Variants in ADAMTS16 observed in about 807,000 individuals in gnomAD.
ADAMTS16 encodes ADAM metallopeptidase with thrombospondin type 1 motif 16.
ADAMTS16 carries 94 observed loss-of-function variants against 145.8 expected under a neutral mutation model. The observed-to-expected ratio is 0.64, with a 90% CI of 0.55 to 0.77. The LOEUF is 0.77. Among genes scored for constraint, ADAMTS16 ranks in the 30% least tolerant of loss-of-function variants. The pLI is 0.00. For synonymous variants in ADAMTS16, 659 were observed against 604.3 expected (o/e 1.09, Z -1.33); for missense variants, 1,585 against 1,591.5 (o/e 1.00, Z 0.07).
intron 3 of ADAMTS16, among the ~76,000 whole-genome samples, chr5:5,168,617 A>T (rs1455214887): frequency 6.8e-5 from 7 of 103,348 alleles, no homozygotes; most frequent in Admixed American, 2.2e-4. Context: ...ATATTTTTAT[A>T]TATTATATTA....
Position 5,246,920 on chromosome 5 carries a change from C to T in ADAMTS16, c.2662+4729C>T, listed in dbSNP as rs543736437. Reference sequence around the variant, plus strand: ...TGTGACAATGCAAGATGATAGACTGCGTTGTGTTCCAAGAACTGTGAGAAT... The same window carrying T: ...TGTGACAATGCAAGATGATAGACTGTGTTGTGTTCCAAGAACTGTGAGAAT... On this transcript the variant is annotated intron_variant, in intron 17 of 22. Transcript: ENST00000274181. 1.2e-4 allele frequency among the ~76,000 whole-genome samples: 19 copies of T among 152,278 alleles called. No homozygotes were observed. The South Asian group carries it at 2.9e-3, about 23-fold the overall frequency.
chr5:5,271,402 G>A (rs1261202982), intron 18 of ADAMTS16, among the ~76,000 whole-genome samples: 1 of 152,190 alleles, frequency 6.6e-6, no homozygotes, highest in African/African-American at 2.4e-5. Context: ...CGCTCCTTCC[G>A]CTCCTCCCGC....
At chr5:5,208,774 TAA>T (rs1437557147) in intron 9 of ADAMTS16, among the ~76,000 whole-genome samples, 1 of 152,138 alleles carries the variant, frequency 6.6e-6, no homozygotes, top group Non-Finnish European at 1.5e-5. Flanking sequence ...ATGTCCATCA[TAA>T]GAGCTTCTCA....
chr5:5,195,618 G>A (rs1735780229), intron 8 of ADAMTS16, among the ~76,000 whole-genome samples: 1 of 152,162 alleles, frequency 6.6e-6, no homozygotes, highest in South Asian at 2.1e-4. Context: ...TATAAAATAG[G>A]CTTAAATAGC....
chr5:5,306,658 G>A lies in ADAMTS16; in HGVS notation c.3341G>A (p.Cys1114Tyr), dbSNP rs1554000618. Residue 1114 changes from cysteine to tyrosine, a missense_variant, in exon 21 of 23, where the codon TGC becomes TAC. Cys to Tyr is a radical substitution (Grantham distance 194). Coordinates refer to ENST00000274181, the MANE Select transcript of ADAMTS16 (RefSeq NM_139056.4). ...GAACGTGCCTGCGCCCCGCTTCCAT[G>A]CCCCAGGCACCCCCCATTTGCTGCT... ...ELERACAPLP[C>Y]PRHPPFAAAG... 3.1e-6 allele frequency: 5 copies of A among 1,614,038 alleles called. No individual in the cohort carries two copies. The highest frequency in any genetic ancestry group is 2.2e-5 in the South Asian group (2 of 91,084).
Position 5,239,171 on chromosome 5 carries a change from C to T in ADAMTS16, c.2175C>T (p.Val725=). The T allele has an allele frequency of 6.3e-7, 1 of 1,579,336 alleles. No individual in the cohort carries two copies. Among genetic ancestry groups the T allele is most frequent in the Non-Finnish European group, 8.6e-7 (1 of 1,165,050 alleles). Reference sequence around the variant, plus strand: ...TCCAGAGAGTTGGATGTGACAATGTCCTTGGATCTGATGCTGTTGAAGACG... The same window carrying T: ...TCCAGAGAGTTGGATGTGACAATGTTCTTGGATCTGATGCTGTTGAAGACG... ...GICERVGCDN[V]LGSDAVEDVC... Residue 725 remains valine, a synonymous_variant, in exon 15 of 23, where the codon GTC becomes GTT. Coordinates refer to ENST00000274181, the MANE Select transcript of ADAMTS16 (RefSeq NM_139056.4).
At chr5:5,218,807 G>GC (rs1736509346) in intron 10 of ADAMTS16, among the ~76,000 whole-genome samples, 1 of 152,256 alleles carries the variant, frequency 6.6e-6, no homozygotes, top group East Asian at 1.9e-4. Flanking sequence ...TTCTCTGGCT[G>GC]CCCCCAGCTG....
At chr5:5,315,589 C>A (rs935475536) in intron 21 of ADAMTS16, among the ~76,000 whole-genome samples, 1 of 152,056 alleles carries the variant, frequency 6.6e-6, no homozygotes, top group Non-Finnish European at 1.5e-5. Context: ...CTGATGGATG[C>A]GGATGTGGCC....
Position 5,263,772 on chromosome 5 carries a change from C to G in ADAMTS16, c.2789+989C>G, listed in dbSNP as rs571802381. Among the ~76,000 whole-genome samples, 27 of 152,286 alleles carry G rather than the reference C, an allele frequency of 1.8e-4. No individual in the cohort carries two copies. The Middle Eastern group carries it at 0.017, about 96-fold the overall frequency. ...ACAGCCCAATGGACGGAGGTGTGTT[C>G]GCAGCTCAGTCAGCCCCTGACCCTG... On this transcript the variant is annotated intron_variant, in intron 18 of 22. Coordinates refer to ENST00000274181, the MANE Select transcript of ADAMTS16 (RefSeq NM_139056.4).
Position 5,144,813 on chromosome 5 carries a change from C to T in ADAMTS16, c.176-1317C>T, listed in dbSNP as rs142333593. On this transcript the variant is annotated intron_variant, in intron 2 of 22. Transcript: ENST00000274181. ...TTCTGGATTCTCCTTCCCTGCTATC[C>T]TCTTAGGGTGCTCGTGAACATTCCT... 2.1e-3 allele frequency among the ~76,000 whole-genome samples: 327 copies of T among 152,308 alleles called. 1 individual carries two copies. The highest frequency in any genetic ancestry group is 7.5e-3 in the African/African-American group (310 of 41,568).
At chr5:5,203,848 A>G (rs72647753) in intron 9 of ADAMTS16, among the ~76,000 whole-genome samples, 63 of 152,322 alleles carry the variant, frequency 4.1e-4, no homozygotes, top group Middle Eastern at 3.4e-3. Context: ...AAAGGTGACC[A>G]TCATCGCAGG....
chr5:5,218,255 A>T (rs1015274572), intron 10 of ADAMTS16, among the ~76,000 whole-genome samples: 1 of 152,216 alleles, frequency 6.6e-6, no homozygotes, highest in Non-Finnish European at 1.5e-5. Context: ...GTTTATGGAT[A>T]CAGAATGGTT....
intron 3 of ADAMTS16, among the ~76,000 whole-genome samples, chr5:5,173,170 T>A (rs2126545348): frequency 7.0e-6 from 1 of 143,818 alleles, no homozygotes; most frequent in African/African-American, 2.5e-5. Context: ...AACAGATCAT[T>A]GGGTCTTGTT....
chr5:5,265,768 G>A (rs1738219516), intron 18 of ADAMTS16, among the ~76,000 whole-genome samples: 1 of 152,222 alleles, frequency 6.6e-6, no homozygotes, highest in Non-Finnish European at 1.5e-5. Context: ...GGACAGTGGG[G>A]TCTGCTTGTG....
chr5:5,207,877 A>G (rs1197627332), intron 9 of ADAMTS16, among the ~76,000 whole-genome samples: 5 of 152,098 alleles, frequency 3.3e-5, no homozygotes, highest in Non-Finnish European at 7.4e-5. Flanking sequence ...GATTAATCCC[A>G]CTTGGTCATA....
chr5:5,187,785 C>A lies in ADAMTS16; in HGVS notation c.1024C>A (p.Leu342Met). 6.2e-7 allele frequency: 1 copy of A among 1,608,762 alleles called. No individual in the cohort carries two copies. Among genetic ancestry groups the A allele is most frequent in the Non-Finnish European group, 8.5e-7 (1 of 1,175,340 alleles). Residue 342 changes from leucine (L) to methionine (M), a missense_variant, in exon 6 of 23, where the codon CTG becomes ATG. Physicochemically the swap from Leu to Met is conservative, Grantham distance 15. Around this residue, in one of 3 missense-constraint regions of ADAMTS16, gnomAD observed 298 missense variants for 367.6 expected, o/e 0.81. Transcript: ENST00000274181. Reference protein sequence around the residue: ...GGNINIAIVGLILLEDEQPGL... With the variant: ...GGNINIAIVGMILLEDEQPGL... The stretch of plus-strand genomic sequence containing the variant: ...AAACATCAACATTGCAATTGTAGGT[C>A]TGATTCTTCTAGAAGATGAACAGGT...
At chr5:5,141,075 T>G (rs915036142) in intron 2 of ADAMTS16, among the ~76,000 whole-genome samples, 1 of 152,216 alleles carries the variant, frequency 6.6e-6, no homozygotes, top group Non-Finnish European at 1.5e-5. Context: ...TATTAATGTA[T>G]GCATCAAAGC....
intron 18 of ADAMTS16, among the ~76,000 whole-genome samples, chr5:5,288,019 T>C (rs1739166521): frequency 6.6e-6 from 1 of 151,966 alleles, no homozygotes; most frequent in African/African-American, 2.4e-5. Flanking sequence ...AGTCTCAGAG[T>C]GAACATCCAA....
At chr5:5,277,316 CG>C (rs1458924159) in intron 18 of ADAMTS16, among the ~76,000 whole-genome samples, 1 of 152,170 alleles carries the variant, frequency 6.6e-6, no homozygotes, top group African/African-American at 2.4e-5. Context: ...TTCAGTTACT[CG>C]GCAGATACTT....
Sources: gnomAD v4.1 joint callset for allele counts (sites outside exome capture counted in the v4.1 genomes callset) on GRCh38, gnomAD v4.1.1 for gene constraint, gnomAD v4.1.1 regional missense constraint, MANE v1.5 for transcripts, NCBI Gene and HGNC (gene_info 2026-07-23, HGNC 2026-07-21) for gene names.